Variants in SORCS2 observed in about 807,000 individuals in gnomAD.
SORCS2 encodes sortilin related VPS10 domain containing receptor 2.
A neutral mutation model predicts 141.6 loss-of-function variants in SORCS2; 100 were observed. The ratio of observed to expected loss-of-function variants is 0.71; its 90% CI spans 0.60 to 0.83. SORCS2 has a LOEUF of 0.83. SORCS2 is among the 40% of genes least tolerant of loss of function. The pLI, the probability that SORCS2 is intolerant of heterozygous loss-of-function variation, is 0.00. For synonymous variants in SORCS2, 789 were observed against 676.9 expected, an observed-to-expected ratio of 1.17 and a Z score of -2.57; for missense variants, 1,646 against 1,560.2, an observed-to-expected ratio of 1.05 and a Z score of -0.93.
In SORCS2 at chr4:7,606,390, G is replaced by T. The variant is rs144348870; in HGVS notation, c.649-31938G>T. 1.5e-4 allele frequency among the ~76,000 whole-genome samples: 23 copies of T among 152,188 alleles called. 1 individual carries two copies. Among genetic ancestry groups the T allele is most frequent in the African/African-American group, 5.1e-4 (21 of 41,556 alleles). On this transcript the variant is annotated intron_variant, in intron 3 of 26. Transcript: ENST00000507866. ...GTCTCTGTGGCCGTCAGACTCCAGC[G>T]ACTTTGATTCCACTGTTGAAACAGT...
chr4:7,362,646 T>C (rs1224394460), intron 1 of SORCS2, among the ~76,000 whole-genome samples: 1 of 151,994 alleles, frequency 6.6e-6, no homozygotes, highest in African/African-American at 2.4e-5. Flanking sequence ...AGGCTGACTT[T>C]GCCTGTGGCA....
chr4:7,513,688 A>T (rs570824635), intron 2 of SORCS2, among the ~76,000 whole-genome samples: 2 of 152,256 alleles, frequency 1.3e-5, no homozygotes, highest in Admixed American at 6.5e-5. Context: ...CCTGCCCCAG[A>T]TCCTCAGATC....
In SORCS2 at chr4:7,226,539, G is replaced by C. The variant is rs148236091; in HGVS notation, c.480+33413G>C. On this transcript the variant is annotated intron_variant, in intron 1 of 26. Coordinates refer to ENST00000507866, the MANE Select transcript of SORCS2 (RefSeq NM_020777.3). ...ATGAGGGGACTCATCCGGAACAGGCGGCGGGCAGAGGGGCTGTTTTTTCCA... is the reference window on the plus strand; with the variant it reads ...ATGAGGGGACTCATCCGGAACAGGCCGCGGGCAGAGGGGCTGTTTTTTCCA... Among the ~76,000 whole-genome samples the C allele has an allele frequency of 3.8e-4, 58 of 152,274 alleles. No homozygotes were observed. The East Asian group carries it at 5.8e-3, about 15-fold the overall frequency.
intron 3 of SORCS2, among the ~76,000 whole-genome samples, chr4:7,608,002 A>G (rs758362240): frequency 3.9e-5 from 6 of 152,078 alleles, no homozygotes; most frequent in Non-Finnish European, 5.9e-5. Context: ...ATTTGCAGAC[A>G]AATACCGTGT....
intron 3 of SORCS2, among the ~76,000 whole-genome samples, chr4:7,568,755 G>C (rs1285383146): frequency 6.6e-6 from 1 of 152,250 alleles, no homozygotes; most frequent in Non-Finnish European, 1.5e-5. Context: ...TCAACCCACA[G>C]TTTGGGAACC....
rs1399970845 is a variant in SORCS2, at chr4:7,740,653, G to C, written c.*389G>C. Reference sequence around the variant, plus strand: ...AGAGCTGCAGACCCGTTCAGACACTGCGTTGCGGGCTCCTTCCCCGCAGAG... The same window carrying C: ...AGAGCTGCAGACCCGTTCAGACACTCCGTTGCGGGCTCCTTCCCCGCAGAG... On this transcript the variant is annotated 3_prime_UTR_variant, in exon 27 of 27. Coordinates refer to ENST00000507866, the MANE Select transcript of SORCS2 (RefSeq NM_020777.3). The C allele has an allele frequency of 3.5e-6, 1 of 285,288 alleles. No individual in the cohort carries two copies. Among genetic ancestry groups the C allele is most frequent in the Non-Finnish European group, 6.7e-6 (1 of 150,022 alleles). 17.7% of individuals were successfully genotyped at this position (285,288 alleles called of 1,614,324 possible).
rs1420813298 is a variant in SORCS2, at chr4:7,598,970, C to T, written c.649-39358C>T. 5.3e-5 allele frequency among the ~76,000 whole-genome samples: 8 copies of T among 152,292 alleles called. No individual in the cohort carries two copies. The East Asian group carries it at 7.7e-4, about 15-fold the overall frequency. Reference sequence around the variant, plus strand: ...GCTGTTGTTTTCCATTGCACGGTGCCGATGCCCTTGCAGGCGGCAGGGTTG... The same window carrying T: ...GCTGTTGTTTTCCATTGCACGGTGCTGATGCCCTTGCAGGCGGCAGGGTTG... On this transcript the variant is annotated intron_variant, in intron 3 of 26. Coordinates refer to ENST00000507866, the MANE Select transcript of SORCS2 (RefSeq NM_020777.3).
intron 1 of SORCS2, among the ~76,000 whole-genome samples, chr4:7,260,438 A>G (rs1370419569): frequency 2.0e-5 from 3 of 152,010 alleles, no homozygotes; most frequent in Non-Finnish European, 4.4e-5. Flanking sequence ...CCATCAATGG[A>G]TTGACTGATG....
intron 2 of SORCS2, among the ~76,000 whole-genome samples, chr4:7,411,663 T>C (rs4689738): frequency 0.95 from 144,045 of 152,174 alleles, 68,317 homozygotes; most frequent in Non-Finnish European, 0.99. Flanking sequence ...ATTTAGGCTC[T>C]GGGGTGGGGT....
chr4:7,239,941 G>C (rs754840808), intron 1 of SORCS2, among the ~76,000 whole-genome samples: 1 of 152,172 alleles, frequency 6.6e-6, no homozygotes, highest in Non-Finnish European at 1.5e-5. Context: ...ATCTTGTGCC[G>C]TCTGTTTGGC....
intron 2 of SORCS2, among the ~76,000 whole-genome samples, chr4:7,451,847 C>T (rs1478818144): frequency 6.6e-6 from 1 of 152,232 alleles, no homozygotes. Context: ...CCCCTCCAGG[C>T]TTCTCAGGGC....
At chr4:7,502,064 A>T (rs948341963) in intron 2 of SORCS2, among the ~76,000 whole-genome samples, 1 of 152,154 alleles carries the variant, frequency 6.6e-6, no homozygotes, top group Non-Finnish European at 1.5e-5. Flanking sequence ...CGCCAGTCAC[A>T]TGTGCCCAGG....
At chr4:7,514,864 G>T (rs1393909796) in intron 2 of SORCS2, among the ~76,000 whole-genome samples, 1 of 152,116 alleles carries the variant, frequency 6.6e-6, no homozygotes, top group Non-Finnish European at 1.5e-5. Context: ...ACCATCAATG[G>T]GACTGCTGGC....
intron 2 of SORCS2, among the ~76,000 whole-genome samples, chr4:7,418,711 C>CCCCA (rs1553859474): frequency 8.4e-6 from 1 of 119,560 alleles, no homozygotes; most frequent in African/African-American, 2.9e-5. Context: ...GACCCCCCCC[C>CCCCA]CCACCAGATT....
intron 1 of SORCS2, among the ~76,000 whole-genome samples, chr4:7,246,508 C>G (rs1052013247): frequency 5.3e-5 from 8 of 151,274 alleles, no homozygotes; most frequent in Non-Finnish European, 1.2e-4. Flanking sequence ...TGAACCCACA[C>G]ATCTCACCTG....
chr4:7,287,463 G>A (rs113527932), intron 1 of SORCS2, among the ~76,000 whole-genome samples: 313 of 152,350 alleles, frequency 2.1e-3, no homozygotes, highest in African/African-American at 7.1e-3. Flanking sequence ...CCCTTGCCAC[G>A]GCCCCCAGGC....
chr4:7,718,209 C>T, intron 18 of SORCS2, 26 bp downstream of exon 18: 1 of 1,599,098 alleles, frequency 6.3e-7, no homozygotes, highest in Non-Finnish European at 8.5e-7. Context: ...CCAGCAGGCT[C>T]CTGGGACTGT....
chr4:7,543,731 TCCAC>T lies in SORCS2; in HGVS notation c.648+12106_648+12109del, dbSNP rs1560373079. ...ATCCACCCATCCACCCATCCACCCA[TCCAC>T]CCATCCACCCATCCACCCATCCACC... On this transcript the variant is annotated intron_variant, in intron 3 of 26. Transcript: ENST00000507866. Among the ~76,000 whole-genome samples the T allele has an allele frequency of 1.8e-3, 146 of 82,350 alleles. 5 individuals carry two copies. The highest frequency in any genetic ancestry group is 2.9e-3 in the Admixed American group (27 of 9,252). The allele number at this position is 82,350 out of a possible 152,430, so 54.0% of individuals were successfully genotyped here.
intron 20 of SORCS2, among the ~76,000 whole-genome samples, chr4:7,725,971 C>T (rs1293048286): frequency 3.3e-5 from 5 of 152,226 alleles, no homozygotes; most frequent in African/African-American, 7.2e-5. Context: ...GTTCAGGCCT[C>T]GGCTCCGCCA....
Sources: allele counts gnomAD v4.1 joint callset (sites outside exome capture counted in the v4.1 genomes callset), GRCh38; gene constraint gnomAD v4.1.1; transcripts MANE v1.5; gene names NCBI Gene and HGNC (gene_info 2026-07-23, HGNC 2026-07-21).